Variants in NCAPD3 observed in about 807,000 individuals in gnomAD.
The protein encoded by NCAPD3 is non-SMC condensin II complex subunit D3.
A neutral mutation model predicts 182.9 loss-of-function variants in NCAPD3; 105 were observed. The observed-to-expected ratio is 0.57, with a 90% CI of 0.49 to 0.68. The LOEUF (loss-of-function observed/expected upper bound fraction) is 0.68. Among genes scored for constraint, NCAPD3 ranks in the 30% least tolerant of loss-of-function variants. The pLI is 0.00. For synonymous variants in NCAPD3, 815 were observed against 679.9 expected (o/e 1.20, Z -3.09); for missense variants, 1,944 against 1,837.0 (o/e 1.06, Z -1.07).
chr11:134,155,929 T>C (rs907619578), intron 32 of NCAPD3, among the ~76,000 whole-genome samples: 1 of 152,194 alleles, frequency 6.6e-6, no homozygotes, highest in African/African-American at 2.4e-5. Flanking sequence ...CTGTTAACTA[T>C]TCTAAGAGAT....
At chr11:134,197,667 A>T (rs1944664853) in intron 13 of NCAPD3, among the ~76,000 whole-genome samples, 1 of 152,252 alleles carries the variant, frequency 6.6e-6, no homozygotes. Flanking sequence ...ACAAAATACC[A>T]GCAAACCAAA....
Position 134,223,774 on chromosome 11 carries a change from C to A in NCAPD3, c.64+89G>T, listed in dbSNP as rs368473129. On this transcript the variant is annotated intron_variant, in intron 1 of 34. Transcript: ENST00000534548. The stretch of plus-strand genomic sequence containing the variant: ...CAGCCGGGCGCCCCCACCCCGCCCC[C>A]ACCGGCACCCCGGCCCGGGCTTAGG... 470 of 1,487,016 alleles carry A rather than the reference C, an allele frequency of 3.2e-4. 4 individuals carry two copies. The East Asian group carries it at 9.4e-3, about 30-fold the overall frequency. The allele number at this position is 1,487,016 out of a possible 1,614,324, so 92.1% of individuals were successfully genotyped here. A position where few individuals can be genotyped will look rare whatever the true frequency, so the allele number is the denominator to read the frequency against.
intron 8 of NCAPD3, among the ~76,000 whole-genome samples, chr11:134,205,474 G>T (rs1937594459): frequency 6.6e-6 from 1 of 151,174 alleles, no homozygotes; most frequent in African/African-American, 2.4e-5. Flanking sequence ...TCCCCCACCG[G>T]GTTCAAGAGT....
Position 134,210,285 on chromosome 11 carries a change from C to T in NCAPD3, c.552G>A (p.Arg184=), listed in dbSNP as rs960016409. ...TACTTCTTACCTCAATATCTTCTCTCCTGGGTGGCTTTCCCCTTTTTCTAT... is the reference window on the plus strand; with the variant it reads ...TACTTCTTACCTCAATATCTTCTCTTCTGGGTGGCTTTCCCCTTTTTCTAT... The part of the protein sequence containing the change: ...GRHRKRGKPP[R]REDIEMDEII... Residue 184 remains arginine (R), a synonymous_variant, in exon 4 of 35, where the codon AGG becomes AGA. Transcript: ENST00000534548. 6.2e-7 allele frequency: 1 copy of T among 1,613,412 alleles called. No homozygotes were observed.
At chr11:134,182,150 A>C (rs1041671571) in intron 19 of NCAPD3, among the ~76,000 whole-genome samples, 6 of 152,324 alleles carry the variant, frequency 3.9e-5, no homozygotes, top group Admixed American at 3.9e-4. Flanking sequence ...GAACCTGGGT[A>C]CTAGGACTAG....
At chr11:134,187,847 A>T (rs1334652176) in intron 16 of NCAPD3, among the ~76,000 whole-genome samples, 1 of 152,212 alleles carries the variant, frequency 6.6e-6, no homozygotes, top group East Asian at 1.9e-4. Flanking sequence ...CAGCACTTAG[A>T]ACCAGTCCTG....
At chr11:134,175,401 G>A (rs1444680267) in intron 24 of NCAPD3, among the ~76,000 whole-genome samples, 2 of 152,176 alleles carry the variant, frequency 1.3e-5, no homozygotes, top group Non-Finnish European at 2.9e-5. Context: ...TTAGCTTTTT[G>A]CCTCTGGTTC....
At position 134,150,242 on chromosome 11, in the gene NCAPD3, A is replaced by G. The variant is rs772013571; in HGVS notation, c.*2702T>C. On this transcript the variant is annotated 3_prime_UTR_variant, in exon 35 of 35. Transcript: ENST00000534548. The stretch of plus-strand genomic sequence containing the variant: ...AAACCTTTAAAAATTCCAGTTAAGC[A>G]ATGTTGAAATCAGTTTGCATCTCTT... The G allele has an allele frequency of 1.3e-5, 2 of 152,422 alleles. No homozygotes were observed. Among genetic ancestry groups the G allele is most frequent in the African/African-American group, 2.4e-5 (1 of 41,474 alleles). The allele number at this position is 152,422 out of a possible 1,614,324, so 9.4% of individuals were successfully genotyped here. A position where few individuals can be genotyped will look rare whatever the true frequency, so the allele number is the denominator to read the frequency against.
intron 13 of NCAPD3, among the ~76,000 whole-genome samples, chr11:134,196,468 A>G (rs1032904011): frequency 6.6e-6 from 1 of 152,022 alleles, no homozygotes; most frequent in African/African-American, 2.4e-5. Flanking sequence ...ACATGGTGAA[A>G]CCCTATCTCT....
chr11:134,186,455 C>T (rs751832722), intron 16 of NCAPD3, among the ~76,000 whole-genome samples: 5 of 152,216 alleles, frequency 3.3e-5, no homozygotes, highest in Non-Finnish European at 2.9e-5. Flanking sequence ...TCAAGCCATC[C>T]TCCTGTCTTG....
intron 24 of NCAPD3, among the ~76,000 whole-genome samples, chr11:134,174,155 C>A (rs1944096820): frequency 6.6e-6 from 1 of 151,814 alleles, no homozygotes; most frequent in African/African-American, 2.4e-5. Context: ...CTTTGGAAGG[C>A]CGAGGTGGGT....
At chr11:134,170,378 A>G (rs911546775) in intron 24 of NCAPD3, among the ~76,000 whole-genome samples, 1 of 152,254 alleles carries the variant, frequency 6.6e-6, no homozygotes, top group Non-Finnish European at 1.5e-5. Flanking sequence ...GGCAAAGGTC[A>G]CAGCATCAGA....
rs1055186507 is a variant in NCAPD3 at position 134,201,079 on chromosome 11, C to T, written c.1615+1737G>A. Among the ~76,000 whole-genome samples the T allele has an allele frequency of 4.2e-5, 6 of 144,068 alleles. No individual in the cohort carries two copies. The South Asian group carries it at 6.5e-4, about 16-fold the overall frequency. The allele number at this position is 144,068 out of a possible 152,430, so 94.5% of individuals were successfully genotyped here. A position where few individuals can be genotyped will look rare whatever the true frequency, so the allele number is the denominator to read the frequency against. Reference sequence around the variant, plus strand: ...CTCGCTCTGTCAACAGGCTGGAGTGCGGTGGCGCAATCTCGGCTCACTGCA... The same window carrying T: ...CTCGCTCTGTCAACAGGCTGGAGTGTGGTGGCGCAATCTCGGCTCACTGCA... On this transcript the variant is annotated intron_variant, in intron 13 of 34. Transcript: ENST00000534548.
Position 134,162,007 on chromosome 11 carries a change from C to G in NCAPD3, c.3574-116G>C, listed in dbSNP as rs1006530756. ...ACCACACTATGTAAGTTTATTTTTG[C>G]TTTTCATTATGATACTGGATGTAGA... is the stretch of plus-strand genomic sequence containing the variant. On this transcript the variant is annotated intron_variant, in intron 27 of 34. Transcript: ENST00000534548. 5.1e-6 allele frequency: 3 copies of G among 584,820 alleles called. No homozygotes were observed. The South Asian group carries it at 7.3e-5, about 14-fold the overall frequency. The allele number at this position is 584,820 out of a possible 1,614,324, so 36.2% of individuals were successfully genotyped here.
intron 31 of NCAPD3, 122 bp from the exon 32 acceptor site, chr11:134,157,217 C>A (rs528597080): frequency 2.1e-5 from 14 of 673,922 alleles, no homozygotes; most frequent in Non-Finnish European, 3.1e-5. Context: ...TTACAATTTT[C>A]TTATAAAGAG....
rs1565527509 is a variant in NCAPD3, at chr11:134,168,053, A to G, written c.3516T>C (p.Asp1172=). 6.2e-7 allele frequency: 1 copy of G among 1,614,150 alleles called. No individual in the cohort carries two copies. The highest frequency in any genetic ancestry group is 1.1e-5 in the South Asian group (1 of 91,088). ...TGACTACATTTGCCAAGGCCATGTC[A>G]TCTTCTTCCATAAGGAGGTCTTTGT... is the stretch of plus-strand genomic sequence containing the variant. ...KPDKDLLMEE[D]DMALANVVMQ... Residue 1172 remains aspartate, a synonymous_variant, in exon 27 of 35, where the codon GAT becomes GAC. Transcript: ENST00000534548.
intron 27 of NCAPD3, among the ~76,000 whole-genome samples, chr11:134,165,437 G>A (rs182097605): frequency 1.3e-5 from 2 of 148,710 alleles, no homozygotes; most frequent in East Asian, 2.1e-4. Flanking sequence ...ACACTCGTGA[G>A]ATGAGCTTAG....
chr11:134,184,850 C>G lies in NCAPD3; in HGVS notation c.2335+53G>C, dbSNP rs1019608041. ...ACACACACACACACACACACACACA[C>G]CTGAAATGAACAGCAATGCATTTTC... On this transcript the variant is annotated intron_variant, in intron 18 of 34. Transcript: ENST00000534548. 4 of 1,402,696 alleles carry G rather than the reference C, an allele frequency of 2.9e-6. No homozygotes were observed. The African/African-American group carries it at 5.9e-5, about 21-fold the overall frequency. 86.9% of individuals were successfully genotyped at this position (1,402,696 alleles called of 1,614,324 possible).
chr11:134,196,382 G>A (rs1339233366), intron 13 of NCAPD3, among the ~76,000 whole-genome samples: 2 of 152,188 alleles, frequency 1.3e-5, no homozygotes, highest in South Asian at 2.1e-4. Context: ...GGTGGCTCAC[G>A]CCTGTAATGC....
Sources: gnomAD v4.1 joint callset for allele counts (sites outside exome capture counted in the v4.1 genomes callset) on GRCh38, gnomAD v4.1.1 for gene constraint, MANE v1.5 for transcripts, NCBI Gene and HGNC (gene_info 2026-07-23, HGNC 2026-07-21) for gene names.